UNC13C: variants seen among roughly 807,000 people sequenced by gnomAD.
The protein encoded by UNC13C is unc-13 homolog C.
UNC13C carries 174 observed loss-of-function variants against 245.4 expected under a neutral mutation model. The observed-to-expected ratio is 0.71, with a 90% CI of 0.63 to 0.80. The LOEUF (loss-of-function observed/expected upper bound fraction) is 0.80. Among genes scored for constraint, UNC13C ranks in the 30% least tolerant of loss-of-function variants. UNC13C has a pLI of 0.00. For synonymous variants in UNC13C, 992 were observed against 895.1 expected, an observed-to-expected ratio of 1.11 and a Z score of -1.93; for missense variants, 2,829 against 2,602.9, an observed-to-expected ratio of 1.09 and a Z score of -1.89.
the UNC13C span, among the ~76,000 whole-genome samples, chr15:53,938,069 A>G: frequency 2.0e-5 from 3 of 152,226 alleles, no homozygotes; most frequent in Admixed American, 1.3e-4. Context: ...AACTGTCCCA[A>G]TTAAACATTA....
At chr15:54,080,734 A>T (rs534403839) in intron 2 of UNC13C, among the ~76,000 whole-genome samples, 1 of 151,834 alleles carries the variant, frequency 6.6e-6, no homozygotes, top group African/African-American at 2.4e-5. Flanking sequence ...CTAGATATTG[A>T]TATGTCAGTT....
chr15:53,933,624 G>A, the UNC13C span, among the ~76,000 whole-genome samples: 1 of 152,168 alleles, frequency 6.6e-6, no homozygotes, highest in Non-Finnish European at 1.5e-5. Flanking sequence ...AACACGCACA[G>A]TTAGCATGCT....
At chr15:54,160,641 G>A (rs912274019) in intron 4 of UNC13C, among the ~76,000 whole-genome samples, 20 of 152,040 alleles carry the variant, frequency 1.3e-4, no homozygotes, top group African/African-American at 4.8e-4. Context: ...AAGTATAGCT[G>A]TGGAAAAGCT....
Position 54,175,508 on chromosome 15 carries a change from A to ATTTTTTTTTTTTTTTT in UNC13C, c.3071+31831_3071+31846dup, listed in dbSNP as rs55925649. Reference sequence around the variant, plus strand: ...AAAACACTGTTGTTGTGGCCCTAGAATTTTTTTTTTTTTTTTTTTTTTGAG... The same window carrying ATTTTTTTTTTTTTTTT: ...AAAACACTGTTGTTGTGGCCCTAGAATTTTTTTTTTTTTTTTTTTTTTTTTTTTTTTTTTTTTTGAG... On this transcript the variant is annotated intron_variant, in intron 4 of 32. Transcript: ENST00000260323. 2.6e-3 allele frequency among the ~76,000 whole-genome samples: 276 copies of ATTTTTTTTTTTTTTTT among 105,964 alleles called. 13 individuals are homozygous for ATTTTTTTTTTTTTTTT. Among genetic ancestry groups the ATTTTTTTTTTTTTTTT allele is most frequent in the African/African-American group, 0.01 (266 of 26,210 alleles). The allele number at this position is 105,964 out of a possible 152,430, so 69.5% of individuals were successfully genotyped here.
At position 54,582,742 on chromosome 15, in the gene UNC13C, G is replaced by A. The variant is rs1898260530; in HGVS notation, c.6106+14795G>A. On this transcript the variant is annotated intron_variant, in intron 30 of 32. Coordinates refer to ENST00000260323, the MANE Select transcript of UNC13C (RefSeq NM_001080534.3). ...TGAACTGGGCCAACTAGCCAAAACTGTGAATTATGACGACCACCACTACTG... is the reference window on the plus strand; with the variant it reads ...TGAACTGGGCCAACTAGCCAAAACTATGAATTATGACGACCACCACTACTG... 2.0e-5 allele frequency among the ~76,000 whole-genome samples: 3 copies of A among 152,210 alleles called. No individual in the cohort carries two copies. The South Asian group carries it at 6.2e-4, about 32-fold the overall frequency.
intron 4 of UNC13C, among the ~76,000 whole-genome samples, chr15:54,146,822 G>A (rs1220494604): frequency 1.3e-5 from 2 of 152,206 alleles, no homozygotes; most frequent in South Asian, 4.1e-4. Context: ...AGAGGTAGCA[G>A]AAGTAGGTGA....
chr15:54,099,767 A>G (rs531572978), intron 2 of UNC13C, among the ~76,000 whole-genome samples: 90 of 152,030 alleles, frequency 5.9e-4, no homozygotes, highest in Non-Finnish European at 9.3e-4. Context: ...TTTCTCCTAT[A>G]AAGTAGAAGT....
intron 2 of UNC13C, among the ~76,000 whole-genome samples, chr15:54,063,983 C>T (rs1321365988): frequency 6.6e-6 from 1 of 152,054 alleles, no homozygotes; most frequent in Non-Finnish European, 1.5e-5. Flanking sequence ...TAAGATTTGG[C>T]CCACAACCAG....
chr15:53,894,906 T>C, the UNC13C span, among the ~76,000 whole-genome samples: 1 of 152,192 alleles, frequency 6.6e-6, no homozygotes, highest in African/African-American at 2.4e-5. Flanking sequence ...TGGACTATAT[T>C]ATTTCATTTA....
At chr15:53,991,634 A>G (rs1419723186) in intron 1 of UNC13C, among the ~76,000 whole-genome samples, 1 of 152,012 alleles carries the variant, frequency 6.6e-6, no homozygotes, top group Non-Finnish European at 1.5e-5. Context: ...ATCTCTGTGG[A>G]GCAGTGTGCA....
At chr15:54,505,787 G>C (rs558419878) in intron 22 of UNC13C, among the ~76,000 whole-genome samples, 1 of 137,026 alleles carries the variant, frequency 7.3e-6, no homozygotes, top group South Asian at 2.3e-4. Context: ...CTGTCGCCCA[G>C]GCTGGATATA....
the UNC13C span, among the ~76,000 whole-genome samples, chr15:53,874,646 C>T: frequency 6.6e-6 from 1 of 152,110 alleles, no homozygotes; most frequent in Admixed American, 6.6e-5. Flanking sequence ...CCTGTATATC[C>T]AAAGTCTATT....
chr15:54,436,578 C>T (rs1167003360), intron 19 of UNC13C, among the ~76,000 whole-genome samples: 1 of 151,970 alleles, frequency 6.6e-6, no homozygotes, highest in Non-Finnish European at 1.5e-5. Flanking sequence ...AAACCAAACA[C>T]TGCATATTCT....
chr15:54,074,676 T>C (rs1898501301), intron 2 of UNC13C, among the ~76,000 whole-genome samples: 1 of 152,196 alleles, frequency 6.6e-6, no homozygotes, highest in African/African-American at 2.4e-5. Context: ...TTTGGCTGTT[T>C]GTCTATTATT....
chr15:54,051,664 A>ATTTATTTT (rs1158188424), intron 2 of UNC13C, among the ~76,000 whole-genome samples: 3 of 150,986 alleles, frequency 2.0e-5, no homozygotes, highest in African/African-American at 7.3e-5. Flanking sequence ...TTATTTATTT[A>ATTTATTTT]TTTTAATCAG....
intron 4 of UNC13C, among the ~76,000 whole-genome samples, chr15:54,184,317 C>T (rs186051498): frequency 4.0e-4 from 60 of 151,818 alleles, no homozygotes; most frequent in Middle Eastern, 3.4e-3. Flanking sequence ...GCACAACGTG[C>T]GGGTTTTGTT....
intron 3 of UNC13C, 34 bp from the exon 4 acceptor site, chr15:54,143,586 G>A: frequency 1.3e-6 from 2 of 1,593,468 alleles, no homozygotes; most frequent in East Asian, 2.2e-5. Flanking sequence ...CTAAAAGCCT[G>A]TTTGTTTTGT....
chr15:54,481,416 C>T (rs1268199608), intron 19 of UNC13C, among the ~76,000 whole-genome samples: 1 of 152,108 alleles, frequency 6.6e-6, no homozygotes, highest in Non-Finnish European at 1.5e-5. Flanking sequence ...TTTCCTAATG[C>T]TCCTGGATGA....
chr15:53,997,446 C>G (rs36125316), intron 1 of UNC13C, among the ~76,000 whole-genome samples: 72,506 of 151,874 alleles, frequency 0.48, 18,688 homozygotes, highest in Non-Finnish European at 0.58. Flanking sequence ...ATATTTAGTG[C>G]TTATTTATAC....
Sources: gnomAD v4.1 joint callset for allele counts (sites outside exome capture counted in the v4.1 genomes callset) on GRCh38, gnomAD v4.1.1 for gene constraint, MANE v1.5 for transcripts, NCBI Gene and HGNC (gene_info 2026-07-23, HGNC 2026-07-21) for gene names.